TTC34: variants seen among roughly 807,000 people sequenced by gnomAD.
The protein encoded by TTC34 is tetratricopeptide repeat domain 34.
A neutral mutation model predicts 40.7 loss-of-function variants in TTC34; 44 were observed. The ratio of observed to expected loss-of-function variants is 1.08; its 90% CI spans 0.85 to 1.39. The LOEUF (loss-of-function observed/expected upper bound fraction) is 1.39, where lower values mean the gene tolerates loss of function less well. TTC34 is among the 40% of genes most tolerant of loss of function. The pLI, the probability that TTC34 is intolerant of heterozygous loss-of-function variation, is 0.00. For missense variants in TTC34, 884 were observed against 838.0 expected, an observed-to-expected ratio of 1.05 and a Z score of -0.68; for synonymous variants, 422 against 398.6, an observed-to-expected ratio of 1.06 and a Z score of -0.70.
chr1:2,783,122 T>C (rs1643511292), intron 6 of TTC34, among the ~76,000 whole-genome samples: 1 of 152,136 alleles, frequency 6.6e-6, no homozygotes, highest in Non-Finnish European at 1.5e-5. Flanking sequence ...AAAGAGCAGG[T>C]AAATGAAGCT....
intron 6 of TTC34, among the ~76,000 whole-genome samples, chr1:2,762,212 C>T (rs1641700691): frequency 1.5e-5 from 1 of 68,808 alleles, no homozygotes; most frequent in Non-Finnish European, 2.8e-5. Context: ...CGCCCACACC[C>T]CCGGGCGAGC....
chr1:2,759,433 C>A (rs1641617653), intron 6 of TTC34, among the ~76,000 whole-genome samples: 2 of 93,726 alleles, frequency 2.1e-5, no homozygotes, highest in African/African-American at 4.6e-5. Flanking sequence ...GATCAGCACC[C>A]ACACTCCCAG....
rs762197663 is a variant in TTC34, at chr1:2,641,627, G to A, written c.2981C>T (p.Ala994Val). Residue 994 changes from alanine to valine, a missense_variant, in exon 9 of 9, where the codon GCG (alanine) becomes GTG (valine). Transcript: ENST00000401095. ...CTGGGCAAAGGCCCCTGCGGCCGCC[G>A]CCTCATCCCCCAGGCTCAGCAGCAG... 2.5e-5 allele frequency: 38 copies of A among 1,534,692 alleles called. 1 individual carries two copies. Among genetic ancestry groups the A allele is most frequent in the African/African-American group, 5.5e-5 (4 of 72,994 alleles).
intron 6 of TTC34, among the ~76,000 whole-genome samples, chr1:2,685,297 C>G: frequency 9.2e-6 from 1 of 108,576 alleles, no homozygotes; most frequent in Non-Finnish European, 1.8e-5. Flanking sequence ...GAGCATCCCA[C>G]AGCCTGGAGC....
intron 6 of TTC34, among the ~76,000 whole-genome samples, chr1:2,672,872 A>ACCCC (rs1639751549): frequency 1.1e-5 from 1 of 91,514 alleles, no homozygotes; most frequent in Admixed American, 1.1e-4. Flanking sequence ...CAGCACCCAC[A>ACCCC]CACCCAGGTG....
At chr1:2,752,814 T>G in intron 6 of TTC34, among the ~76,000 whole-genome samples, 4 of 10,612 alleles carry the variant, frequency 3.8e-4, no homozygotes, top group South Asian at 2.7e-3. Context: ...GCTCCCTGCA[T>G]CCCCAGGTGC....
At chr1:2,692,705 C>CT (rs1345320149) in intron 6 of TTC34, among the ~76,000 whole-genome samples, 1 of 109,184 alleles carries the variant, frequency 9.2e-6, no homozygotes. Context: ...AGCACCCACA[C>CT]CCCAGGTGAG....
At chr1:2,652,404 A>AC (rs1639172870) in intron 6 of TTC34, among the ~76,000 whole-genome samples, 1 of 102,618 alleles carries the variant, frequency 9.7e-6, no homozygotes, top group African/African-American at 3.9e-5. Flanking sequence ...CAGCACGCAC[A>AC]CCCCCAGTGA....
chr1:2,697,200 C>T (rs1280887965), intron 6 of TTC34, among the ~76,000 whole-genome samples: 3 of 74,986 alleles, frequency 4.0e-5, no homozygotes, highest in African/African-American at 1.0e-4. Flanking sequence ...GCAGCACCCA[C>T]ATCCCCAGGT....
chr1:2,646,879 G>C (rs1209987120), intron 6 of TTC34, among the ~76,000 whole-genome samples: 2 of 152,140 alleles, frequency 1.3e-5, no homozygotes, highest in Non-Finnish European at 2.9e-5. Context: ...GCTTCCATTT[G>C]TCTAACGGGT....
intron 6 of TTC34, among the ~76,000 whole-genome samples, chr1:2,690,422 C>A (rs942853153): frequency 1.3e-5 from 2 of 148,346 alleles, no homozygotes; most frequent in African/African-American, 4.8e-5. Flanking sequence ...ACCCAGAACC[C>A]CAGGCGAGCA....
chr1:2,751,512 G>T (rs1397244373), intron 6 of TTC34, among the ~76,000 whole-genome samples: 3 of 76,982 alleles, frequency 3.9e-5, no homozygotes, highest in Admixed American at 1.4e-4. Flanking sequence ...TGACAGCCTT[G>T]AACAGCACCC....
rs1282310841 is a variant in TTC34 at position 2,750,287 on chromosome 1, C to A, written c.2226+33322G>T. On this transcript the variant is annotated intron_variant, in intron 6 of 8. Coordinates refer to ENST00000401095, the Ensembl canonical transcript of TTC34. The stretch of plus-strand genomic sequence containing the variant: ...CAGCCTGGAAAAGAGCCCAGACCCC[C>A]AGGTGAGCATCTGACAGACTGGAAC... 4.9e-5 allele frequency among the ~76,000 whole-genome samples: 2 copies of A among 40,632 alleles called. 1 individual carries two copies. Among genetic ancestry groups the A allele is most frequent in the Non-Finnish European group, 8.4e-5 (2 of 23,944 alleles). The allele number at this position is 40,632 out of a possible 152,430, so 26.7% of individuals were successfully genotyped here. A position where few individuals can be genotyped will look rare whatever the true frequency, so the allele number is the denominator to read the frequency against.
intron 6 of TTC34, among the ~76,000 whole-genome samples, chr1:2,777,692 G>GGA (rs915585298): frequency 6.6e-6 from 1 of 151,834 alleles, no homozygotes; most frequent in South Asian, 2.1e-4. Context: ...AGGGCATGGG[G>GGA]GGGGGGGCGC....
Position 2,645,208 on chromosome 1 carries a change from A to T in TTC34, c.2497+85T>A. ...GTTGTGGTCCGGGTCTCTTTCTTCC[A>T]TTTTTACAGAACAGGATACAGAGGT... On this transcript the variant is annotated intron_variant, in intron 7 of 8. Coordinates refer to ENST00000401095, the Ensembl canonical transcript of TTC34. This position sits in a 1 kb window ranked among gnomAD's most constrained non-coding sequence, Gnocchi z 4.7. 1 of 1,353,534 alleles carries T rather than the reference A, an allele frequency of 7.4e-7. No homozygotes were observed. The allele number at this position is 1,353,534 out of a possible 1,614,324, so 83.8% of individuals were successfully genotyped here. A position where few individuals can be genotyped will look rare whatever the true frequency, so the allele number is the denominator to read the frequency against.
intron 6 of TTC34, among the ~76,000 whole-genome samples, chr1:2,683,259 C>T (rs1178990786): frequency 1.3e-5 from 2 of 150,330 alleles, no homozygotes; most frequent in African/African-American, 2.5e-5. Context: ...TGGTTTGCAG[C>T]AGCACCCACA....
intron 1 of TTC34, 92 bp from the exon 2 acceptor site, chr1:2,800,960 C>T: frequency 5.0e-6 from 2 of 397,828 alleles, no homozygotes; most frequent in Non-Finnish European, 8.8e-6. Flanking sequence ...ACCTCCACCC[C>T]TTCCCATTGA....
At chr1:2,759,440 C>T (rs1641618013) in intron 6 of TTC34, among the ~76,000 whole-genome samples, 2 of 85,994 alleles carry the variant, frequency 2.3e-5, no homozygotes, top group Non-Finnish European at 2.3e-5. Context: ...ACCCACACTC[C>T]CAGGCGAGCA....
chr1:2,644,580 C>T (rs907988144), intron 7 of TTC34, 102 bp from the exon 8 acceptor site: 57 of 1,229,962 alleles, frequency 4.6e-5, no homozygotes, highest in Non-Finnish European at 6.1e-5. Flanking sequence ...TGCTGGCTTG[C>T]GGGGAGCTGA....
Sources: gnomAD v4.1 joint callset for allele counts (sites outside exome capture counted in the v4.1 genomes callset) on GRCh38, gnomAD v4.1.1 for gene constraint, Gnocchi (gnomAD v3.1) non-coding constraint, MANE v1.5 for transcripts, NCBI Gene and HGNC (gene_info 2026-07-23, HGNC 2026-07-21) for gene names.